The following LRRTM3 variants were observed in gnomAD, a reference collection of about 807,000 sequenced individuals.
LRRTM3 encodes leucine-rich repeat transmembrane neuronal protein 3.
In LRRTM3, 24 loss-of-function variants were observed where a neutral mutation model predicts 44.7. The ratio of observed to expected loss-of-function variants is 0.54; its 90% CI spans 0.39 to 0.76. The LOEUF (loss-of-function observed/expected upper bound fraction) is 0.76, where lower values mean the gene tolerates loss of function less well. Among genes scored for constraint, LRRTM3 ranks in the 30% least tolerant of loss-of-function variants. The pLI, the probability that LRRTM3 is intolerant of heterozygous loss-of-function variation, is 0.00. For missense variants in LRRTM3, 587 were observed against 702.2 expected, an observed-to-expected ratio of 0.84 and a Z score of 1.85; for synonymous variants, 277 against 278.7, an observed-to-expected ratio of 0.99 and a Z score of 0.06.
intron 2 of LRRTM3, among the ~76,000 whole-genome samples, chr10:67,089,715 A>ATG (rs775306401): frequency 3.3e-4 from 31 of 93,374 alleles, no homozygotes; most frequent in Non-Finnish European, 5.1e-4. Context: ...GTGTATATAC[A>ATG]TATGTGTGTG....
intron 2 of LRRTM3, among the ~76,000 whole-genome samples, chr10:67,093,702 C>T (rs973766582): frequency 6.6e-6 from 1 of 151,872 alleles, no homozygotes; most frequent in Non-Finnish European, 1.5e-5. Flanking sequence ...AATTCACAGT[C>T]GTTGCCCAAA....
At chr10:66,941,190 C>G (rs1847976449) in intron 2 of LRRTM3, among the ~76,000 whole-genome samples, 1 of 152,158 alleles carries the variant, frequency 6.6e-6, no homozygotes, top group Non-Finnish European at 1.5e-5. Flanking sequence ...ACAGTTACAA[C>G]AGACTTTCTT....
chr10:66,978,319 A>T (rs933538645), intron 2 of LRRTM3, among the ~76,000 whole-genome samples: 5 of 151,720 alleles, frequency 3.3e-5, no homozygotes, highest in African/African-American at 1.2e-4. Flanking sequence ...TGAGGTCAGG[A>T]GTTCGAGACC....
At chr10:66,943,231 G>A (rs1848106590) in intron 2 of LRRTM3, among the ~76,000 whole-genome samples, 1 of 152,196 alleles carries the variant, frequency 6.6e-6, no homozygotes, top group African/African-American at 2.4e-5. Flanking sequence ...AATGACACAA[G>A]ATCTGTGAAA....
chr10:67,080,454 A>G (rs964078158), intron 2 of LRRTM3, among the ~76,000 whole-genome samples: 1 of 152,184 alleles, frequency 6.6e-6, no homozygotes, highest in African/African-American at 2.4e-5. Flanking sequence ...CCCACTTAGA[A>G]TGTTAGGTCC....
At chr10:66,995,473 C>T (rs1589567351) in intron 2 of LRRTM3, among the ~76,000 whole-genome samples, 1 of 152,326 alleles carries the variant, frequency 6.6e-6, no homozygotes, top group Non-Finnish European at 1.5e-5. Context: ...ATTCTCCAAA[C>T]ATTCACCAAG....
chr10:66,942,705 C>G (rs1361153361), intron 2 of LRRTM3, among the ~76,000 whole-genome samples: 1 of 151,908 alleles, frequency 6.6e-6, no homozygotes, highest in Admixed American at 6.6e-5. Context: ...CATATCACAC[C>G]TTCCCATACT....
chr10:67,083,830 T>G (rs1368789809), intron 2 of LRRTM3, among the ~76,000 whole-genome samples: 1 of 152,206 alleles, frequency 6.6e-6, no homozygotes, highest in Non-Finnish European at 1.5e-5. Context: ...AGAGTCTGAT[T>G]TACTTGCAAA....
At chr10:66,971,021 G>A (rs1306571702) in intron 2 of LRRTM3, among the ~76,000 whole-genome samples, 1 of 152,000 alleles carries the variant, frequency 6.6e-6, no homozygotes, top group African/African-American at 2.4e-5. Context: ...GCCTTTCTAT[G>A]AGTATTTGCA....
chr10:67,029,581 G>T (rs1231805429), intron 2 of LRRTM3, among the ~76,000 whole-genome samples: 1 of 152,136 alleles, frequency 6.6e-6, no homozygotes, highest in East Asian at 1.9e-4. Context: ...TTTTAACATT[G>T]TATTATTTAA....
chr10:67,039,219 A>C (rs886842267), intron 2 of LRRTM3, among the ~76,000 whole-genome samples: 2 of 152,134 alleles, frequency 1.3e-5, no homozygotes, highest in African/African-American at 4.8e-5. Context: ...ACTCGAGGAA[A>C]ATTACAGGTT....
rs1310711521 is a variant in LRRTM3 at position 67,056,477 on chromosome 10, A to G, written c.1537-41110A>G. Among the ~76,000 whole-genome samples, 3 of 152,158 alleles carry G rather than the reference A, an allele frequency of 2.0e-5. No individual in the cohort carries two copies. The East Asian group carries it at 5.8e-4, about 29-fold the overall frequency. ...TCATGAGGGTCTCTCAAATTGTATA[A>G]GCTTCAGGCTTGTGAAACCAAGATC... On this transcript the variant is annotated intron_variant, in intron 2 of 2. Coordinates refer to ENST00000361320, the MANE Select transcript of LRRTM3 (RefSeq NM_178011.5).
chr10:66,978,960 CTTTTTTTTT>C (rs34112681), intron 2 of LRRTM3, among the ~76,000 whole-genome samples: 1 of 83,782 alleles, frequency 1.2e-5, no homozygotes, highest in Non-Finnish European at 2.2e-5. Context: ...TACTTATTTC[CTTTTTTTTT>C]TTTTTTTTTT....
At chr10:67,004,201 A>G (rs1284810758) in intron 2 of LRRTM3, among the ~76,000 whole-genome samples, 1 of 152,184 alleles carries the variant, frequency 6.6e-6, no homozygotes, top group Non-Finnish European at 1.5e-5. Flanking sequence ...AATTGAGAAG[A>G]AGGCCTGAAT....
At position 67,097,912 on chromosome 10, in the gene LRRTM3, C is replaced by A; in HGVS notation, c.*116C>A. ...AAAACAAAACACAAAATCCCCTGTT[C>A]AAATAAACAAAAAATCCAAGATTGA... On this transcript the variant is annotated 3_prime_UTR_variant, in exon 3 of 3. Coordinates refer to ENST00000361320, the MANE Select transcript of LRRTM3 (RefSeq NM_178011.5). The A allele has an allele frequency of 1.2e-6, 1 of 843,486 alleles. No homozygotes were observed. The highest frequency in any genetic ancestry group is 1.7e-5 in the South Asian group (1 of 58,088). 52.3% of individuals were successfully genotyped at this position (843,486 alleles called of 1,614,324 possible).
intron 2 of LRRTM3, among the ~76,000 whole-genome samples, chr10:67,087,953 TG>T (rs1484243471): frequency 6.6e-6 from 1 of 152,020 alleles, no homozygotes; most frequent in Non-Finnish European, 1.5e-5. Flanking sequence ...CATAGATTCT[TG>T]TGCTCAAAAA....
At chr10:67,000,537 A>G (rs1373839168) in intron 2 of LRRTM3, among the ~76,000 whole-genome samples, 3 of 152,180 alleles carry the variant, frequency 2.0e-5, no homozygotes, top group African/African-American at 4.8e-5. Context: ...AAATTACAAC[A>G]AGCTAAAAAT....
chr10:67,020,516 A>T (rs7081061), intron 2 of LRRTM3, among the ~76,000 whole-genome samples: 17,407 of 152,196 alleles, frequency 0.11, 1,239 homozygotes, highest in South Asian at 0.28. Flanking sequence ...TATAAGTTTC[A>T]CAATAGTCTT....
intron 2 of LRRTM3, among the ~76,000 whole-genome samples, chr10:67,051,758 ATTTT>A (rs10582679): frequency 1.7e-4 from 25 of 145,110 alleles, no homozygotes; most frequent in Non-Finnish European, 2.9e-4. Flanking sequence ...CTATCCTACA[ATTTT>A]TTTTTTTTTT....
Sources: gnomAD v4.1 joint callset for allele counts (sites outside exome capture counted in the v4.1 genomes callset) on GRCh38, gnomAD v4.1.1 for gene constraint, MANE v1.5 for transcripts, NCBI Gene and HGNC (gene_info 2026-07-23, HGNC 2026-07-21) for gene names.